MAST2: variants seen among roughly 807,000 people sequenced by gnomAD.
The protein encoded by MAST2 is microtubule associated serine/threonine kinase 2, also known as microtubule-associated serine/threonine-protein kinase 2.
MAST2 carries 70 observed loss-of-function variants against 147.4 expected under a neutral mutation model. The observed-to-expected ratio is 0.47, with a 90% CI of 0.39 to 0.58. The LOEUF is 0.58. Among genes scored for constraint, MAST2 ranks in the 20% least tolerant of loss-of-function variants. The probability of loss-of-function intolerance (pLI) is 0.00; values close to 1 mark genes in which losing one functional copy is unlikely to be tolerated. For synonymous variants in MAST2, 869 were observed against 896.8 expected (o/e 0.97, Z 0.55); for missense variants, 2,080 against 2,302.3 (o/e 0.90, Z 1.98).
chr1:45,851,582 A>G (rs928442710), intron 3 of MAST2, among the ~76,000 whole-genome samples: 1 of 152,112 alleles, frequency 6.6e-6, no homozygotes, highest in Admixed American at 6.6e-5. Context: ...CTCATTCAGC[A>G]TGATGTTGGC....
intron 5 of MAST2, among the ~76,000 whole-genome samples, chr1:45,986,234 AATT>A (rs1644609420): frequency 6.6e-6 from 1 of 152,192 alleles, no homozygotes; most frequent in Non-Finnish European, 1.5e-5. Flanking sequence ...TTTTATCAAA[AATT>A]ATTATTGAAC....
At chr1:45,947,965 C>T (rs1224906231) in intron 4 of MAST2, among the ~76,000 whole-genome samples, 1 of 152,160 alleles carries the variant, frequency 6.6e-6, no homozygotes, top group African/African-American at 2.4e-5. Context: ...ATCCACCTGC[C>T]CTGGCTTCCC....
intron 5 of MAST2, among the ~76,000 whole-genome samples, chr1:45,986,648 C>A (rs552458931): frequency 9.4e-4 from 135 of 143,480 alleles, no homozygotes; most frequent in African/African-American, 3.4e-3. Flanking sequence ...ACCTGGGAGG[C>A]GGAGCTTGCA....
intron 4 of MAST2, among the ~76,000 whole-genome samples, chr1:45,946,434 T>C (rs897431088): frequency 4.6e-5 from 7 of 152,176 alleles, no homozygotes; most frequent in African/African-American, 1.7e-4. Context: ...ATTTGGCCAA[T>C]TTCCTCCCTC....
At chr1:45,912,130 G>C (rs1293975795) in intron 4 of MAST2, among the ~76,000 whole-genome samples, 1 of 151,862 alleles carries the variant, frequency 6.6e-6, no homozygotes, top group Non-Finnish European at 1.5e-5. Flanking sequence ...TACTGAACTG[G>C]GGATTCTGAA....
intron 4 of MAST2, among the ~76,000 whole-genome samples, chr1:45,931,714 G>A (rs931028501): frequency 1.3e-5 from 2 of 151,518 alleles, no homozygotes; most frequent in South Asian, 2.1e-4. Context: ...AACTAGTCTC[G>A]AACTCCTGAC....
chr1:45,993,943 T>C (rs548097437), intron 5 of MAST2, among the ~76,000 whole-genome samples: 1 of 152,242 alleles, frequency 6.6e-6, no homozygotes, highest in South Asian at 2.1e-4. Flanking sequence ...TACAATTTTA[T>C]TGTGGCAAAA....
At chr1:46,029,263 T>C (rs1363432742) in intron 18 of MAST2, 1 of 560,668 alleles carries the variant, frequency 1.8e-6, no homozygotes, top group Non-Finnish European at 3.2e-6. Flanking sequence ...AGCTAGAGCT[T>C]TGCAGTGCCT....
intron 5 of MAST2, among the ~76,000 whole-genome samples, chr1:45,962,470 G>A (rs185265004): frequency 2.0e-5 from 3 of 152,220 alleles, no homozygotes; most frequent in Admixed American, 2.0e-4. Context: ...ATTCTAACTG[G>A]TGCAAGATGA....
At chr1:46,020,208 C>T (rs1037707329) in intron 11 of MAST2, among the ~76,000 whole-genome samples, 8 of 152,194 alleles carry the variant, frequency 5.3e-5, no homozygotes, top group East Asian at 1.9e-4. Context: ...CACAGCGTAA[C>T]GGGAACCTGG....
intron 3 of MAST2, among the ~76,000 whole-genome samples, chr1:45,845,799 C>G (rs529839166): frequency 6.6e-6 from 1 of 152,202 alleles, no homozygotes; most frequent in Non-Finnish European, 1.5e-5. Context: ...GTGTCTCTGT[C>G]GCCCAGGCTG....
At chr1:45,816,221 A>AAGAGAGAGAGAGAGAGAGAG (rs144287036) in intron 1 of MAST2, among the ~76,000 whole-genome samples, 122 of 134,728 alleles carry the variant, frequency 9.1e-4, no homozygotes, top group Non-Finnish European at 1.6e-3. Context: ...GAGAGAGAGA[A>AAGAGAGAGAGAGAGAGAGAG]AGAGAGAGAG....
Position 46,031,378 on chromosome 1 carries a change from C to T in MAST2, c.2993-13C>T, listed in dbSNP as rs778204916. The T allele has an allele frequency of 7.5e-6, 12 of 1,603,066 alleles. No individual in the cohort carries two copies. The South Asian group carries it at 1.2e-4, about 16-fold the overall frequency. On this transcript the variant is annotated splice_polypyrimidine_tract_variant and intron_variant, in intron 23 of 28. Coordinates refer to ENST00000361297, the MANE Select transcript of MAST2 (RefSeq NM_015112.3). This position sits in a 1 kb window ranked among gnomAD's most constrained non-coding sequence, Gnocchi z 4.1. ...GCGGCATCGCGGGTCTCACTGCTTA[C>T]TTGGGCCTACAGCTATGGAGACCCG...
intron 1 of MAST2, among the ~76,000 whole-genome samples, chr1:45,818,773 G>A (rs1401986159): frequency 2.0e-5 from 3 of 152,144 alleles, no homozygotes; most frequent in Admixed American, 6.6e-5. Context: ...ATGCATTGTT[G>A]ATGTTGTGAG....
chr1:45,850,704 T>G (rs1645596580), intron 3 of MAST2, among the ~76,000 whole-genome samples: 1 of 152,144 alleles, frequency 6.6e-6, no homozygotes, highest in African/African-American at 2.4e-5. Context: ...ATTTATTGAA[T>G]AGAGTCCTCT....
intron 5 of MAST2, among the ~76,000 whole-genome samples, chr1:45,970,730 G>C (rs1373086135): frequency 6.8e-6 from 1 of 146,040 alleles, no homozygotes; most frequent in Admixed American, 6.9e-5. Flanking sequence ...TGTGTCTGCT[G>C]TCTGTCTGTC....
At position 46,035,581 on chromosome 1, in the gene MAST2, A is replaced by G; in HGVS notation, c.4912A>G (p.Thr1638Ala). 1 of 1,613,258 alleles carries G rather than the reference A, an allele frequency of 6.2e-7. No homozygotes were observed. Among genetic ancestry groups the G allele is most frequent in the Non-Finnish European group, 8.5e-7 (1 of 1,179,890 alleles). Residue 1638 changes from threonine (T) to alanine (A), a missense_variant, in exon 29 of 29, where the codon ACC (threonine) becomes GCC (alanine). Transcript: ENST00000361297. The surrounding 1 kb of genome is among the most constrained non-coding windows in gnomAD (Gnocchi z 5.5). ...TALSPSTSGL[T>A]PTSSCSPPSS... is the part of the protein sequence containing the mutation. ...ACTTTCTCCCAGCACTTCGGGACTC[A>G]CCCCCACCAGCAGTTGCTCTCCTCC... is the stretch of plus-strand genomic sequence containing the variant.
rs1343582361 is a variant in MAST2, at chr1:45,917,398, C to T, written c.500+35003C>T. The T allele has an allele frequency of 2.2e-6, 3 of 1,366,576 alleles. No homozygotes were observed. The South Asian group carries it at 3.4e-5, about 16-fold the overall frequency. 84.7% of individuals were successfully genotyped at this position (1,366,576 alleles called of 1,614,324 possible). The stretch of plus-strand genomic sequence containing the variant: ...CAGCACATGTTTTCACCCACATCTG[C>T]TCCAGCCCTCTTCCTCACTAAAGTC... On this transcript the variant is annotated intron_variant, in intron 4 of 28. Transcript: ENST00000361297.
At position 46,035,612 on chromosome 1, in the gene MAST2, C is replaced by A; in HGVS notation, c.4943C>A (p.Ser1648Tyr). The change falls in exon 29 of 29, where the codon TCC becomes TAC. Residue 1648 changes from serine to tyrosine, a missense_variant. Coordinates refer to ENST00000361297, the MANE Select transcript of MAST2 (RefSeq NM_015112.3). This position sits in a 1 kb window ranked among gnomAD's most constrained non-coding sequence, Gnocchi z 5.5. ...ACCAGCAGTTGCTCTCCTCCCAGCT[C>A]CACCTCTGGGAAGCTGAGCATGTGG... ...TPTSSCSPPS[S>Y]TSGKLSMWSW... 6.2e-7 allele frequency: 1 copy of A among 1,613,916 alleles called. No individual in the cohort carries two copies. The highest frequency in any genetic ancestry group is 8.5e-7 in the Non-Finnish European group (1 of 1,180,000).
Sources: allele counts gnomAD v4.1 joint callset (sites outside exome capture counted in the v4.1 genomes callset), GRCh38; gene constraint gnomAD v4.1.1; non-coding constraint Gnocchi (gnomAD v3.1); transcripts MANE v1.5; gene names NCBI Gene and HGNC (gene_info 2026-07-23, HGNC 2026-07-21).